OR9K2: variants seen among roughly 807,000 people sequenced by gnomAD.
The protein encoded by OR9K2 is olfactory receptor 9K2.
OR9K2 carries 16 observed loss-of-function variants against 12.4 expected under a neutral mutation model. That is an observed-to-expected ratio of 1.29 (90% confidence interval 0.87 to 1.95). OR9K2 has a LOEUF of 1.95. OR9K2 is among the 30% of genes most tolerant of loss of function. OR9K2 has a pLI of 0.00. For synonymous variants in OR9K2, 133 were observed against 133.2 expected, an observed-to-expected ratio of 1.00 and a Z score of 0.01; for missense variants, 434 against 376.5, an observed-to-expected ratio of 1.15 and a Z score of -1.26.
In OR9K2 at chr12:55,132,708, T is replaced by A. The variant is rs536334642; in HGVS notation, c.*1932T>A. 2.2e-4 allele frequency: 33 copies of A among 152,324 alleles called. No individual in the cohort carries two copies. Among genetic ancestry groups the A allele is most frequent in the African/African-American group, 6.5e-4 (27 of 41,572 alleles). 9.4% of individuals were successfully genotyped at this position (152,324 alleles called of 1,614,324 possible). A position where few individuals can be genotyped will look rare whatever the true frequency, so the allele number is the denominator to read the frequency against. ...GGAAAAGAAGAGAAAACGTTCCTTGTTTGCAGATAACATATCTATGTAGAA... is the reference window on the plus strand; with the variant it reads ...GGAAAAGAAGAGAAAACGTTCCTTGATTGCAGATAACATATCTATGTAGAA... On this transcript the variant is annotated 3_prime_UTR_variant, in exon 3 of 3. Coordinates refer to ENST00000641329, the MANE Select transcript of OR9K2 (RefSeq NM_001005243.2).
intron 1 of OR9K2, 67 bp from the exon 2 acceptor site, chr12:55,126,761 A>G (rs1240483294): frequency 6.6e-6 from 1 of 152,136 alleles, no homozygotes; most frequent in East Asian, 1.9e-4. Context: ...TTTTATTTCA[A>G]AGTAATTATT....
Position 55,129,889 on chromosome 12 carries a change from G to C in OR9K2, c.55G>C (p.Gly19Arg). Residue 19 changes from glycine to arginine, a missense_variant, in exon 3 of 3, where the codon GGC (glycine) becomes CGC (arginine). Physicochemically the swap from Gly to Arg is moderately radical, Grantham distance 125. Transcript: ENST00000641329. ...HSEMTDFILAGFRVRPELHIL... is the reference protein window; with the variant it reads ...HSEMTDFILARFRVRPELHIL... ...AGAAATGACTGACTTCATTCTTGCA[G>C]GCTTCAGGGTACGCCCAGAGCTCCA... is the stretch of plus-strand genomic sequence containing the variant. The C allele has an allele frequency of 8.1e-6, 13 of 1,613,966 alleles. No homozygotes were observed. The highest frequency in any genetic ancestry group is 1.3e-5 in the African/African-American group (1 of 74,998).
Position 55,130,283 on chromosome 12 carries a change from G to C in OR9K2, c.449G>C (p.Gly150Ala). Residue 150 changes from glycine to alanine, a missense_variant, in exon 3 of 3, where the codon GGT becomes GCT. Physicochemically the swap from Gly to Ala is moderately conservative, Grantham distance 60 (BLOSUM62 0). Transcript: ENST00000641329. ...STRLCTQLVA[G>A]SYFCGCISSV... ...CGTCTGTGTACTCAGTTGGTGGCTGGTTCCTATTTTTGTGGCTGCATTAGC... is the reference window on the plus strand; with the variant it reads ...CGTCTGTGTACTCAGTTGGTGGCTGCTTCCTATTTTTGTGGCTGCATTAGC... 6.2e-7 allele frequency: 1 copy of C among 1,613,864 alleles called. No individual in the cohort carries two copies. The highest frequency in any genetic ancestry group is 1.7e-4 in the Middle Eastern group (1 of 6,058).
chr12:55,126,551 G>A (rs1316320056), intron 1 of OR9K2, 35 bp downstream of exon 1: 1 of 151,944 alleles, frequency 6.6e-6, no homozygotes, highest in Non-Finnish European at 1.5e-5. Flanking sequence ...TTTGTTCCTG[G>A]AATCACTTCA....
chr12:55,130,524 G>T lies in OR9K2; in HGVS notation c.690G>T (p.Lys230Asn), dbSNP rs140850337. The T allele has an allele frequency of 3.9e-4, 629 of 1,613,666 alleles. No homozygotes were observed. The highest frequency in any genetic ancestry group is 5.1e-4 in the Non-Finnish European group (601 of 1,179,806). The change falls in exon 3 of 3, where the codon AAG (lysine) becomes AAT (asparagine). Residue 230 changes from lysine (K) to asparagine (N), a missense_variant. Coordinates refer to ENST00000641329, the MANE Select transcript of OR9K2 (RefSeq NM_001005243.2). ...TGTATATTGTGTCCACAGTTCTAAAGATACATTCTACTGAGGGACATAAGA... is the reference window on the plus strand; with the variant it reads ...TGTATATTGTGTCCACAGTTCTAAATATACATTCTACTGAGGGACATAAGA... ...SYMYIVSTVL[K>N]IHSTEGHKKA... is the part of the protein sequence containing the mutation.
At chr12:55,126,670 A>C (rs189145998) in intron 1 of OR9K2, among the ~76,000 whole-genome samples, 154 bp downstream of exon 1, 236 of 152,288 alleles carry the variant, frequency 1.5e-3, no homozygotes, top group African/African-American at 5.2e-3. Flanking sequence ...AAAATAGAGC[A>C]ATGAGGCACA....
chr12:55,129,533 T>C lies in OR9K2; in HGVS notation c.-9-293T>C, dbSNP rs1237287833. The C allele has an allele frequency of 3.2e-5, 16 of 496,980 alleles. No homozygotes were observed. The East Asian group carries it at 4.2e-4, about 13-fold the overall frequency. 30.8% of individuals were successfully genotyped at this position (496,980 alleles called of 1,614,324 possible). On this transcript the variant is annotated intron_variant, in intron 2 of 2. Transcript: ENST00000641329. ...TTGTGTGAATCATGAGTGGGAAATG[T>C]ATAAAGAAGTGATACTTGGAAATGT...
At position 55,131,009 on chromosome 12, in the gene OR9K2, GGT is replaced by G. The variant is rs1953469495; in HGVS notation, c.*234_*235del. 2 of 340,792 alleles carry G rather than the reference GGT, an allele frequency of 5.9e-6. No individual in the cohort carries two copies. The highest frequency in any genetic ancestry group is 9.0e-5 in the Admixed American group (2 of 22,318). 21.1% of individuals were successfully genotyped at this position (340,792 alleles called of 1,614,324 possible). On this transcript the variant is annotated 3_prime_UTR_variant, in exon 3 of 3. Transcript: ENST00000641329. Reference sequence around the variant, plus strand: ...TATTTTCATGATAAACCCTCTCACTGGTCTTCAACATTTTATTTCACAGAATT... The same window carrying G: ...TATTTTCATGATAAACCCTCTCACTGCTTCAACATTTTATTTCACAGAATT...
Position 55,129,830 on chromosome 12 carries a change from C to T in OR9K2, c.-5C>T. The stretch of plus-strand genomic sequence containing the variant: ...TTGCCCTGTGCCTCTCAACAGGTTT[C>T]TACCATGGGTGACAGGGGAACAAGC... On this transcript the variant is annotated 5_prime_UTR_variant, in exon 3 of 3. Coordinates refer to ENST00000641329, the MANE Select transcript of OR9K2 (RefSeq NM_001005243.2). The T allele has an allele frequency of 1.2e-6, 2 of 1,613,364 alleles. No individual in the cohort carries two copies. Among genetic ancestry groups the T allele is most frequent in the Non-Finnish European group, 8.5e-7 (1 of 1,179,350 alleles).
rs767268577 is a variant in OR9K2, at chr12:55,129,975, G to C, written c.141G>C (p.Gly47=). Residue 47 remains glycine, a synonymous_variant, in exon 3 of 3, where the codon GGG becomes GGC. Coordinates refer to ENST00000641329, the MANE Select transcript of OR9K2 (RefSeq NM_001005243.2). ...VYAMILLGNV[G]MMTIIMTDPR... ...CCATGATCCTTCTAGGGAATGTTGG[G>C]ATGATGACCATTATTATGACTGATC... 1 of 1,613,924 alleles carries C rather than the reference G, an allele frequency of 6.2e-7. No homozygotes were observed. Among genetic ancestry groups the C allele is most frequent in the Admixed American group, 1.7e-5 (1 of 60,000 alleles).
rs747494108 is a variant in OR9K2 at position 55,130,499 on chromosome 12, T to G, written c.665T>G (p.Met222Arg). Residue 222 changes from methionine (M) to arginine (R), a missense_variant, in exon 3 of 3, where the codon ATG becomes AGG. Physicochemically the swap from Met to Arg is moderately conservative, Grantham distance 91. Coordinates refer to ENST00000641329, the MANE Select transcript of OR9K2 (RefSeq NM_001005243.2). ...ATCATAGTCATTATAGTATCTTACA[T>G]GTATATTGTGTCCACAGTTCTAAAG... Reference protein sequence around the residue: ...PTIIVIIVSYMYIVSTVLKIH... With the variant: ...PTIIVIIVSYRYIVSTVLKIH... 3 of 1,613,750 alleles carry G rather than the reference T, an allele frequency of 1.9e-6. No homozygotes were observed. Among genetic ancestry groups the G allele is most frequent in the Admixed American group, 1.7e-5 (1 of 59,958 alleles).
rs7311142 is a variant in OR9K2 at position 55,131,816 on chromosome 12, C to A, written c.*1040C>A. On this transcript the variant is annotated 3_prime_UTR_variant, in exon 3 of 3. Transcript: ENST00000641329. ...CCTTCTTGGGCTGCATGGAACATTG[C>A]GCAAAGGGGGATTAGATTGAAGTCA... The A allele has an allele frequency of 0.33, 49,728 of 151,822 alleles. 8,435 individuals carry two copies. The highest frequency in any genetic ancestry group is 0.4 in the Middle Eastern group (119 of 294). The allele number at this position is 151,822 out of a possible 1,614,324, so 9.4% of individuals were successfully genotyped here. A position where few individuals can be genotyped will look rare whatever the true frequency, so the allele number is the denominator to read the frequency against.
chr12:55,128,737 T>TA (rs1293530891), intron 2 of OR9K2, among the ~76,000 whole-genome samples: 1 of 152,072 alleles, frequency 6.6e-6, no homozygotes, highest in Non-Finnish European at 1.5e-5. Context: ...CATACGAAGT[T>TA]AAAAAATCTA....
chr12:55,129,706 TTAA>T (rs1208763358), intron 2 of OR9K2, 117 bp from the exon 3 acceptor site: 2 of 1,251,502 alleles, frequency 1.6e-6, no homozygotes, highest in East Asian at 2.4e-5. Context: ...GAGGCAAAAA[TTAA>T]TAATAACATT....
Position 55,130,968 on chromosome 12 carries a change from C to A in OR9K2, c.*192C>A. 2.1e-6 allele frequency: 1 copy of A among 469,420 alleles called. No individual in the cohort carries two copies. The highest frequency in any genetic ancestry group is 3.8e-6 in the Non-Finnish European group (1 of 266,166). The allele number at this position is 469,420 out of a possible 1,614,324, so 29.1% of individuals were successfully genotyped here. A position where few individuals can be genotyped will look rare whatever the true frequency, so the allele number is the denominator to read the frequency against. On this transcript the variant is annotated 3_prime_UTR_variant, in exon 3 of 3. Transcript: ENST00000641329. ...GAAAATCTTGGATATTGGAGATATC[C>A]TGGACATTAGAGAAGTATTTTCATG... is the stretch of plus-strand genomic sequence containing the variant.
rs776579854 is a variant in OR9K2 at position 55,129,863 on chromosome 12, C to T, written c.29C>T (p.Ser10Leu). Residue 10 changes from serine (S) to leucine (L), a missense_variant, in exon 3 of 3, where the codon TCA becomes TTA. Ser to Leu is a moderately radical substitution (Grantham distance 145). Transcript: ENST00000641329. ...GGTGACAGGGGAACAAGCAATCACTCAGAAATGACTGACTTCATTCTTGCA... is the reference window on the plus strand; with the variant it reads ...GGTGACAGGGGAACAAGCAATCACTTAGAAATGACTGACTTCATTCTTGCA... MGDRGTSNH[S>L]EMTDFILAGF... is the part of the protein sequence containing the mutation. The T allele has an allele frequency of 1.2e-6, 2 of 1,613,746 alleles. No homozygotes were observed. Among genetic ancestry groups the T allele is most frequent in the Non-Finnish European group, 1.7e-6 (2 of 1,179,806 alleles).
chr12:55,127,208 C>T (rs558927147), intron 2 of OR9K2, among the ~76,000 whole-genome samples: 16 of 151,340 alleles, frequency 1.1e-4, no homozygotes, highest in Middle Eastern at 6.8e-3. Flanking sequence ...GTTGACAATA[C>T]GCAGCAAACA....
chr12:55,131,003 C>G lies in OR9K2; in HGVS notation c.*227C>G. 5.5e-6 allele frequency: 2 copies of G among 365,540 alleles called. 1 individual carries two copies. Among genetic ancestry groups the G allele is most frequent in the Non-Finnish European group, 9.9e-6 (2 of 202,566 alleles). 22.6% of individuals were successfully genotyped at this position (365,540 alleles called of 1,614,324 possible). On this transcript the variant is annotated 3_prime_UTR_variant, in exon 3 of 3. Transcript: ENST00000641329. ...GAGAAGTATTTTCATGATAAACCCT[C>G]TCACTGGTCTTCAACATTTTATTTC...
chr12:55,126,723 T>C (rs1389662526), intron 1 of OR9K2, 105 bp from the exon 2 acceptor site: 2 of 152,178 alleles, frequency 1.3e-5, no homozygotes, highest in African/African-American at 2.4e-5. Context: ...ACTGTAATAA[T>C]AAATGTGGAT....
Sources: gnomAD v4.1 joint callset for allele counts (sites outside exome capture counted in the v4.1 genomes callset) on GRCh38, gnomAD v4.1.1 for gene constraint, MANE v1.5 for transcripts, NCBI Gene and HGNC (gene_info 2026-07-23, HGNC 2026-07-21) for gene names.